CSMD1: variants seen among roughly 807,000 people sequenced by gnomAD.
The protein encoded by CSMD1 is CUB and Sushi multiple domains 1, also known as CUB and sushi domain-containing protein 1.
A neutral mutation model predicts 417.5 loss-of-function variants in CSMD1; 213 were observed. The observed-to-expected ratio is 0.51, with a 90% CI of 0.46 to 0.57. The LOEUF (loss-of-function observed/expected upper bound fraction) is 0.57. Among genes scored for constraint, CSMD1 ranks in the 20% least tolerant of loss-of-function variants. The probability of loss-of-function intolerance (pLI) is 0.00; values close to 1 mark genes in which losing one functional copy is unlikely to be tolerated. For synonymous variants in CSMD1, 2,862 were observed against 1,736.8 expected, an observed-to-expected ratio of 1.65 and a Z score of -16.11; for missense variants, 6,923 against 4,529.7, an observed-to-expected ratio of 1.53 and a Z score of -15.17.
intron 4 of CSMD1, among the ~76,000 whole-genome samples, chr8:4,002,292 G>GT (rs1815750199): frequency 6.6e-6 from 1 of 152,082 alleles, no homozygotes; most frequent in Non-Finnish European, 1.5e-5. Flanking sequence ...CTATAGTGCT[G>GT]TAAGTACTTC....
At chr8:4,052,837 T>G (rs1798502506) in intron 3 of CSMD1, among the ~76,000 whole-genome samples, 1 of 152,180 alleles carries the variant, frequency 6.6e-6, no homozygotes, top group Admixed American at 6.5e-5. Context: ...AGGGCCTAGG[T>G]AAACCCCTCT....
intron 3 of CSMD1, among the ~76,000 whole-genome samples, chr8:4,326,749 C>T (rs1000278348): frequency 6.6e-6 from 1 of 151,884 alleles, no homozygotes; most frequent in African/African-American, 2.4e-5. Context: ...TAGTAATGCC[C>T]ATCTTCAGAA....
intron 5 of CSMD1, among the ~76,000 whole-genome samples, chr8:3,904,292 G>C (rs1391557450): frequency 2.6e-5 from 4 of 152,078 alleles, no homozygotes; most frequent in East Asian, 1.9e-4. Flanking sequence ...CTTCCTGGAG[G>C]ACACCCCTTT....
chr8:4,061,310 T>C (rs778951015), intron 3 of CSMD1, among the ~76,000 whole-genome samples: 2 of 152,190 alleles, frequency 1.3e-5, no homozygotes, highest in Non-Finnish European at 2.9e-5. Flanking sequence ...TACAAGAATT[T>C]CTTTAACAAG....
chr8:3,674,277 T>C (rs915421342), intron 7 of CSMD1, among the ~76,000 whole-genome samples: 9 of 152,204 alleles, frequency 5.9e-5, no homozygotes, highest in South Asian at 2.1e-4. Context: ...TGTTGCTTTA[T>C]TGCAAATTAA....
chr8:4,121,948 G>C (rs1585360748), intron 3 of CSMD1, among the ~76,000 whole-genome samples: 1 of 151,860 alleles, frequency 6.6e-6, no homozygotes, highest in Non-Finnish European at 1.5e-5. Context: ...TAAATGATTA[G>C]TGAATTTAAA....
chr8:3,462,364 G>A (rs1243917884), intron 12 of CSMD1, among the ~76,000 whole-genome samples: 1 of 152,158 alleles, frequency 6.6e-6, no homozygotes, highest in Admixed American at 6.5e-5. Flanking sequence ...CTCGTCCATG[G>A]CCTGCTAGGA....
intron 10 of CSMD1, among the ~76,000 whole-genome samples, chr8:3,549,031 C>G (rs1018072949): frequency 6.6e-6 from 1 of 152,170 alleles, no homozygotes; most frequent in Non-Finnish European, 1.5e-5. Context: ...TCAAGGAAGA[C>G]CTGCTCCTCG....
At chr8:4,866,369 C>G (rs944028047) in intron 1 of CSMD1, among the ~76,000 whole-genome samples, 1 of 151,972 alleles carries the variant, frequency 6.6e-6, no homozygotes, top group South Asian at 2.1e-4. Context: ...CAACTACTGT[C>G]TTTGAAGAGT....
intron 6 of CSMD1, among the ~76,000 whole-genome samples, chr8:3,726,218 C>G (rs1802486904): frequency 6.6e-6 from 1 of 152,170 alleles, no homozygotes; most frequent in Non-Finnish European, 1.5e-5. Flanking sequence ...CAGCCCCAGC[C>G]AGCATTGACT....
chr8:3,522,592 T>C (rs1195850171), intron 10 of CSMD1, among the ~76,000 whole-genome samples: 2 of 152,008 alleles, frequency 1.3e-5, no homozygotes, highest in Non-Finnish European at 2.9e-5. Flanking sequence ...CTACTCATGT[T>C]TCAGGCAGCC....
intron 5 of CSMD1, among the ~76,000 whole-genome samples, chr8:3,984,311 T>A (rs2130218465): frequency 6.6e-6 from 1 of 152,314 alleles, no homozygotes; most frequent in East Asian, 1.9e-4. Flanking sequence ...CAGAGTTTAC[T>A]GAGCCAAATT....
intron 1 of CSMD1, among the ~76,000 whole-genome samples, chr8:4,946,609 G>A (rs775191376): frequency 6.6e-6 from 1 of 152,168 alleles, no homozygotes; most frequent in Non-Finnish European, 1.5e-5. Context: ...TATGTCTAAG[G>A]AAGGAGGTAC....
At chr8:4,085,032 C>T (rs904619218) in intron 3 of CSMD1, among the ~76,000 whole-genome samples, 9 of 152,144 alleles carry the variant, frequency 5.9e-5, no homozygotes, top group Non-Finnish European at 7.3e-5. Flanking sequence ...AAACTATCCA[C>T]AAATTCTAAA....
chr8:4,095,707 G>T (rs1365954114), intron 3 of CSMD1, among the ~76,000 whole-genome samples: 1 of 152,104 alleles, frequency 6.6e-6, no homozygotes, highest in Non-Finnish European at 1.5e-5. Context: ...ATGATGAGGT[G>T]CATCCGTACT....
intron 5 of CSMD1, among the ~76,000 whole-genome samples, chr8:3,899,422 G>C (rs997527207): frequency 6.6e-6 from 1 of 152,140 alleles, no homozygotes; most frequent in Non-Finnish European, 1.5e-5. Flanking sequence ...TCAACATGTT[G>C]GCCACAGGGA....
chr8:4,784,669 T>C (rs991404968), intron 1 of CSMD1, among the ~76,000 whole-genome samples: 14 of 152,348 alleles, frequency 9.2e-5, no homozygotes, highest in African/African-American at 3.1e-4. Flanking sequence ...GCAAATATTT[T>C]TGAAAATTCA....
At position 4,420,028 on chromosome 8, in the gene CSMD1, T is replaced by C; in HGVS notation, c.340A>G (p.Thr114Ala). The C allele has an allele frequency of 1.3e-6, 2 of 1,580,908 alleles. No individual in the cohort carries two copies. Among genetic ancestry groups the C allele is most frequent in the South Asian group, 2.3e-5 (2 of 86,112 alleles). ...GFQLPSSIVSTGSILTLWFTT... is the reference protein window; with the variant it reads ...GFQLPSSIVSAGSILTLWFTT... ...AACCACAGAGTGAGGATAGATCCTG[T>C]ACTCACTATAGAGGAGGGCAGCTGA... Residue 114 changes from threonine to alanine, a missense_variant, in exon 3 of 70, where the codon ACA (threonine) becomes GCA (alanine). Coordinates refer to ENST00000635120, the MANE Select transcript of CSMD1 (RefSeq NM_033225.6).
chr8:3,926,143 T>C (rs1220414545), intron 5 of CSMD1, among the ~76,000 whole-genome samples: 4 of 129,936 alleles, frequency 3.1e-5, no homozygotes, highest in Non-Finnish European at 5.0e-5. Context: ...TTGTGGTGTG[T>C]ATAGGTGGGG....
Sources: gnomAD v4.1 joint callset for allele counts (sites outside exome capture counted in the v4.1 genomes callset) on GRCh38, gnomAD v4.1.1 for gene constraint, MANE v1.5 for transcripts, NCBI Gene and HGNC (gene_info 2026-07-23, HGNC 2026-07-21) for gene names.